Variants in MTMR3 observed in about 807,000 individuals in gnomAD.
The protein encoded by MTMR3 is myotubularin related protein 3.
In MTMR3, 32 loss-of-function variants were observed where a neutral mutation model predicts 132.4. That is an observed-to-expected ratio of 0.24 (90% CI 0.18 to 0.32). MTMR3 has a LOEUF of 0.32. Ranked by LOEUF, MTMR3 falls within the 10% of genes least tolerant of loss-of-function variation. The probability of loss-of-function intolerance (pLI) is 1.00; values close to 1 mark genes in which losing one functional copy is unlikely to be tolerated. For missense variants in MTMR3, 1,216 were observed against 1,489.6 expected, an observed-to-expected ratio of 0.82 and a Z score of 3.02; for synonymous variants, 556 against 550.3, an observed-to-expected ratio of 1.01 and a Z score of -0.14.
Position 30,002,954 on chromosome 22 carries a change from G to C in MTMR3, c.632G>C (p.Ser211Thr). 1 of 1,614,080 alleles carries C rather than the reference G, an allele frequency of 6.2e-7. No homozygotes were observed. Among genetic ancestry groups the C allele is most frequent in the African/African-American group, 1.3e-5 (1 of 75,044 alleles). ...GACAAAGAACTGGAAAGTGTATCAA[G>C]TTTCAGGTCCTGGAAGCGCATCCCT... ...ITDKELESVS[S>T]FRSWKRIPAV... The change falls in exon 9 of 20, where the codon AGT (serine) becomes ACT (threonine). Residue 211 changes from serine to threonine, a missense_variant. Physicochemically the swap from Ser to Thr is moderately conservative, Grantham distance 58. Coordinates refer to ENST00000401950, the MANE Select transcript of MTMR3 (RefSeq NM_021090.4).
At chr22:30,023,407 A>C in intron 19 of MTMR3, 7 of 1,603,456 alleles carry the variant, frequency 4.4e-6, no homozygotes, top group Non-Finnish European at 6.0e-6. Context: ...CCCCAAGCCC[A>C]GATATCTTTG....
At chr22:29,987,771 A>G (rs1374087090) in intron 5 of MTMR3, 2 of 152,186 alleles carry the variant, frequency 1.3e-5, no homozygotes, top group Non-Finnish European at 2.9e-5. Flanking sequence ...AGCTTGTTCA[A>G]ACCTCAAGCC....
chr22:30,022,677 C>T lies in MTMR3; in HGVS notation c.3405C>T (p.Ala1135=), dbSNP rs773645479. The part of the protein sequence containing the change: ...CYACDSAFWL[A]SRKHHCRNCG... ...CGTGCGACAGTGCCTTCTGGCTTGCCAGCAGGAAGCACCACTGCAGGTACC... is the reference window on the plus strand; with the variant it reads ...CGTGCGACAGTGCCTTCTGGCTTGCTAGCAGGAAGCACCACTGCAGGTACC... The change falls in exon 19 of 20, where the codon GCC becomes GCT. Residue 1135 remains alanine, a synonymous_variant. Transcript: ENST00000401950. The T allele has an allele frequency of 3.1e-5, 50 of 1,609,550 alleles. No homozygotes were observed. The highest frequency in any genetic ancestry group is 5.0e-5 in the Admixed American group (3 of 59,984).
At chr22:29,943,037 T>C (rs898530187) in intron 1 of MTMR3, among the ~76,000 whole-genome samples, 2 of 152,166 alleles carry the variant, frequency 1.3e-5, no homozygotes, top group African/African-American at 4.8e-5. Flanking sequence ...TGTTCAGAGA[T>C]TGCAGTAAAG....
At chr22:29,884,551 CTTTTTTTTTTTTTTT>C (rs35960936) in intron 1 of MTMR3, among the ~76,000 whole-genome samples, 9 of 62,674 alleles carry the variant, frequency 1.4e-4, no homozygotes, top group Admixed American at 4.8e-4. Context: ...CAGAATGACA[CTTTTTTTTTTTTTTT>C]TTTTTTTTTT....
At chr22:30,022,540 G>A in intron 18 of MTMR3, 69 bp from the exon 19 acceptor site, 1 of 1,381,676 alleles carries the variant, frequency 7.2e-7, no homozygotes, top group Admixed American at 1.7e-5. Context: ...GCTGCCCCCA[G>A]CATGGCTCTG....
intron 2 of MTMR3, among the ~76,000 whole-genome samples, chr22:29,959,932 T>A (rs2066277477): frequency 6.6e-6 from 1 of 151,680 alleles, no homozygotes; most frequent in South Asian, 2.1e-4. Context: ...CTAATTTGTT[T>A]TTATTTTTAT....
chr22:29,983,297 TCAA>T (rs1219183767), intron 5 of MTMR3: 1 of 152,230 alleles, frequency 6.6e-6, no homozygotes, highest in Non-Finnish European at 1.5e-5. Flanking sequence ...ATTTGTAAAA[TCAA>T]CACTAGTTTT....
At chr22:29,928,154 C>T in intron 1 of MTMR3, among the ~76,000 whole-genome samples, 1 of 145,244 alleles carries the variant, frequency 6.9e-6, no homozygotes, top group South Asian at 2.2e-4. Context: ...TACGGGTAAT[C>T]ACTACATTTT....
In MTMR3 at chr22:29,963,467, G is replaced by A. The variant is rs551698929; in HGVS notation, c.-85+6379G>A. Among the ~76,000 whole-genome samples, 20 of 146,310 alleles carry A rather than the reference G, an allele frequency of 1.4e-4. No individual in the cohort carries two copies. In the East Asian group the frequency reaches 4.0e-3, roughly 29 times the overall value. ...GGCAATGGTGCGATCTCGGCTCACT[G>A]CAACCTCTGTCTCTCGGGTTCAAGT... is the stretch of plus-strand genomic sequence containing the variant. On this transcript the variant is annotated intron_variant, in intron 2 of 19. Coordinates refer to ENST00000401950, the MANE Select transcript of MTMR3 (RefSeq NM_021090.4).
intron 7 of MTMR3, chr22:29,993,239 A>G (rs1401275571): frequency 6.6e-6 from 1 of 152,060 alleles, no homozygotes; most frequent in Non-Finnish European, 1.5e-5. Context: ...CTCTCACTTC[A>G]CTCCGATTGT....
chr22:29,931,678 G>A (rs564811739), intron 1 of MTMR3, among the ~76,000 whole-genome samples: 1 of 152,090 alleles, frequency 6.6e-6, no homozygotes, highest in African/African-American at 2.4e-5. Flanking sequence ...CTTCCAAAGT[G>A]TTGGGATTAC....
At chr22:29,983,226 T>C (rs1191729739) in intron 5 of MTMR3, 2 of 152,240 alleles carry the variant, frequency 1.3e-5, no homozygotes, top group Non-Finnish European at 2.9e-5. Flanking sequence ...CTGCAGTTTA[T>C]ACATAAGCAG....
Position 30,026,926 on chromosome 22 carries a change from T to C in MTMR3, c.*1125T>C, listed in dbSNP as rs1322616615. ...CTGAGCAGTCCCCCTTTGCCACTCC[T>C]GGCTGTCTGAGTGGGCACTTGTCTG... On this transcript the variant is annotated 3_prime_UTR_variant, in exon 20 of 20. Coordinates refer to ENST00000401950, the MANE Select transcript of MTMR3 (RefSeq NM_021090.4). The C allele has an allele frequency of 6.5e-6, 1 of 152,880 alleles. No individual in the cohort carries two copies. Among genetic ancestry groups the C allele is most frequent in the Non-Finnish European group, 1.5e-5 (1 of 68,108 alleles). 9.5% of individuals were successfully genotyped at this position (152,880 alleles called of 1,614,324 possible).
At chr22:29,898,804 AATG>A (rs1245530661) in intron 1 of MTMR3, among the ~76,000 whole-genome samples, 2 of 152,072 alleles carry the variant, frequency 1.3e-5, no homozygotes, top group African/African-American at 4.8e-5. Flanking sequence ...TTTAGTTTAG[AATG>A]ATGATCTCCA....
chr22:29,888,509 A>C (rs1328802935), intron 1 of MTMR3, among the ~76,000 whole-genome samples: 1 of 152,190 alleles, frequency 6.6e-6, no homozygotes, highest in Non-Finnish European at 1.5e-5. Context: ...CCTTAAAGCT[A>C]TTCTGTTAGT....
intron 1 of MTMR3, among the ~76,000 whole-genome samples, chr22:29,952,243 T>C (rs1003778522): frequency 2.6e-5 from 4 of 152,166 alleles, no homozygotes; most frequent in African/African-American, 9.7e-5. Context: ...AGGATGGTTG[T>C]TTCTTGCTTA....
chr22:29,953,030 A>G lies in MTMR3; in HGVS notation c.-137-4006A>G, dbSNP rs565363769. Among the ~76,000 whole-genome samples, 5 of 152,264 alleles carry G rather than the reference A, an allele frequency of 3.3e-5. No individual in the cohort carries two copies. In the South Asian group the frequency reaches 1.0e-3, roughly 32 times the overall value. On this transcript the variant is annotated intron_variant, in intron 1 of 19. Coordinates refer to ENST00000401950, the MANE Select transcript of MTMR3 (RefSeq NM_021090.4). The stretch of plus-strand genomic sequence containing the variant: ...TGAATTTTTAAAATACTGCCTCTAC[A>G]CTCAAATTTTTCTCTGGATCTGTTT...
intron 3 of MTMR3, among the ~76,000 whole-genome samples, chr22:29,971,416 TTGTG>T (rs1359443492): frequency 6.6e-6 from 1 of 152,196 alleles, no homozygotes; most frequent in African/African-American, 2.4e-5. Flanking sequence ...GTGTGTGTGT[TTGTG>T]TGTAGACAAA....
Sources: allele counts gnomAD v4.1 joint callset (sites outside exome capture counted in the v4.1 genomes callset), GRCh38; gene constraint gnomAD v4.1.1; transcripts MANE v1.5; gene names NCBI Gene and HGNC (gene_info 2026-07-23, HGNC 2026-07-21).